The following SH3RF2 variants were observed in gnomAD, a reference collection of about 807,000 sequenced individuals.
SH3RF2 encodes SH3 domain containing ring finger 2.
Under a neutral mutation model 59.0 loss-of-function variants are expected in SH3RF2, and 43 were observed. The ratio of observed to expected loss-of-function variants is 0.73; its 90% confidence interval spans 0.57 to 0.94. The LOEUF (loss-of-function observed/expected upper bound fraction) is 0.94, where lower values mean the gene tolerates loss of function less well. Among genes scored for constraint, SH3RF2 ranks in the 40% least tolerant of loss-of-function variants. The pLI is 0.00. For synonymous variants in SH3RF2, 391 were observed against 391.5 expected (o/e 1.00, Z 0.01); for missense variants, 930 against 940.1 (o/e 0.99, Z 0.14).
chr5:146,028,163 AACACACACACACACACAC>A (rs10586561), intron 5 of SH3RF2, among the ~76,000 whole-genome samples: 38 of 142,426 alleles, frequency 2.7e-4, no homozygotes, highest in East Asian at 1.0e-3. Flanking sequence ...TGAGGCCTGC[AACACACACACACACACAC>A]ACACACACAC....
At chr5:145,976,009 A>G (rs555216985) in intron 2 of SH3RF2, among the ~76,000 whole-genome samples, 2 of 152,378 alleles carry the variant, frequency 1.3e-5, no homozygotes, top group Admixed American at 6.5e-5. Context: ...TACAGCTTGC[A>G]TAAGATAATG....
chr5:146,071,545 G>A (rs1249278850), intron 9 of SH3RF2, among the ~76,000 whole-genome samples: 5 of 152,146 alleles, frequency 3.3e-5, no homozygotes, highest in African/African-American at 4.8e-5. Context: ...GCAAGTTTTG[G>A]AGCTTAGGAC....
chr5:145,977,333 A>C (rs1340652114), intron 2 of SH3RF2, among the ~76,000 whole-genome samples: 2 of 152,220 alleles, frequency 1.3e-5, no homozygotes, highest in African/African-American at 4.8e-5. Context: ...AACACCAATC[A>C]TATACTATTG....
intron 7 of SH3RF2, 96 bp from the exon 8 acceptor site, chr5:146,055,885 A>G (rs1031215325): frequency 2.5e-5 from 33 of 1,328,954 alleles, no homozygotes; most frequent in Non-Finnish European, 3.4e-5. Context: ...CACATTTGGT[A>G]TGTGGTTGGG....
rs142647682 is a variant in SH3RF2, at chr5:146,004,654, T to C, written c.744+501T>C. 7.8e-3 allele frequency among the ~76,000 whole-genome samples: 1,191 copies of C among 152,072 alleles called. 13 individuals carry two copies. The highest frequency in any genetic ancestry group is 0.027 in the African/African-American group (1,137 of 41,488). Reference sequence around the variant, plus strand: ...TCTATGGATAATACTATATTATCCATATATGGAGAATAATATTTATGGAGA... The same window carrying C: ...TCTATGGATAATACTATATTATCCACATATGGAGAATAATATTTATGGAGA... On this transcript the variant is annotated intron_variant, in intron 4 of 9. Coordinates refer to ENST00000359120, the MANE Select transcript of SH3RF2 (RefSeq NM_152550.4).
intron 5 of SH3RF2, among the ~76,000 whole-genome samples, chr5:146,031,003 A>C (rs1313712252): frequency 6.6e-6 from 1 of 152,180 alleles, no homozygotes; most frequent in Non-Finnish European, 1.5e-5. Context: ...CCCTGGGCTA[A>C]AAGATTGGCC....
At chr5:145,955,409 G>A (rs1758354300) in intron 2 of SH3RF2, among the ~76,000 whole-genome samples, 1 of 152,172 alleles carries the variant, frequency 6.6e-6, no homozygotes, top group Non-Finnish European at 1.5e-5. Context: ...ACTAGGTGGG[G>A]AAGGAAAAGA....
intron 5 of SH3RF2, among the ~76,000 whole-genome samples, chr5:146,025,450 C>T (rs248777): frequency 0.31 from 46,684 of 152,144 alleles, 8,167 homozygotes; most frequent in Non-Finnish European, 0.39. Flanking sequence ...AGGTCTGGTT[C>T]CCACACTTGA....
intron 5 of SH3RF2, among the ~76,000 whole-genome samples, chr5:146,032,886 C>T (rs1204765385): frequency 6.6e-6 from 1 of 152,220 alleles, no homozygotes; most frequent in Non-Finnish European, 1.5e-5. Flanking sequence ...TCCCAGCCCT[C>T]ACCGACTCCT....
In SH3RF2 at chr5:146,060,189, G is replaced by A; in HGVS notation, c.1879G>A (p.Val627Met). ...CGCATCTGCCCCACCATCCATCCTGGTGAAACCAGAAAACTCAAGAAATGG... is the reference window on the plus strand; with the variant it reads ...CGCATCTGCCCCACCATCCATCCTGATGAAACCAGAAAACTCAAGAAATGG... Reference protein sequence around the residue: ...PPASAPPSILVKPENSRNGIE... With the variant: ...PPASAPPSILMKPENSRNGIE... The change falls in exon 9 of 10, where the codon GTG becomes ATG. Residue 627 changes from valine (V) to methionine (M), a missense_variant. Transcript: ENST00000359120. 6.2e-7 allele frequency: 1 copy of A among 1,611,498 alleles called. No individual in the cohort carries two copies. Among genetic ancestry groups the A allele is most frequent in the Non-Finnish European group, 8.5e-7 (1 of 1,178,882 alleles).
rs149937253 is a variant in SH3RF2, at chr5:145,941,059, G to C, written c.378+2753G>C. Among the ~76,000 whole-genome samples, 660 of 152,270 alleles carry C rather than the reference G, an allele frequency of 4.3e-3. 6 individuals are homozygous for C. The highest frequency in any genetic ancestry group is 0.015 in the African/African-American group (644 of 41,556). On this transcript the variant is annotated intron_variant, in intron 2 of 9. Coordinates refer to ENST00000359120, the MANE Select transcript of SH3RF2 (RefSeq NM_152550.4). Reference sequence around the variant, plus strand: ...TACTAAGTATAAAGTACTCCACTCAGAGAGCATAAATAACCTGTTGTCACA... The same window carrying C: ...TACTAAGTATAAAGTACTCCACTCACAGAGCATAAATAACCTGTTGTCACA...
chr5:146,016,226 T>C (rs570581743), intron 5 of SH3RF2, among the ~76,000 whole-genome samples: 1 of 152,332 alleles, frequency 6.6e-6, no homozygotes, highest in African/African-American at 2.4e-5. Context: ...ATCTGTTGAA[T>C]GCTTGCAATG....
At chr5:145,986,697 C>T (rs1223250152) in intron 2 of SH3RF2, among the ~76,000 whole-genome samples, 1 of 152,136 alleles carries the variant, frequency 6.6e-6, no homozygotes, top group Non-Finnish European at 1.5e-5. Context: ...TATTGAGAAC[C>T]AGCTTATGTT....
intron 2 of SH3RF2, among the ~76,000 whole-genome samples, chr5:145,966,987 C>G (rs953234192): frequency 6.6e-6 from 1 of 152,100 alleles, no homozygotes; most frequent in Non-Finnish European, 1.5e-5. Flanking sequence ...CACCACTGCA[C>G]TCCAACCTGG....
At chr5:146,074,395 C>T (rs1180624250) in intron 9 of SH3RF2, among the ~76,000 whole-genome samples, 2 of 152,078 alleles carry the variant, frequency 1.3e-5, no homozygotes, top group Non-Finnish European at 2.9e-5. Context: ...GGAGTTATTA[C>T]AAGCGGAGAG....
chr5:145,988,777 T>C (rs907606939), intron 2 of SH3RF2, among the ~76,000 whole-genome samples: 5 of 152,204 alleles, frequency 3.3e-5, no homozygotes, highest in African/African-American at 1.2e-4. Context: ...AAGTGGATCA[T>C]CTGGGATTTG....
chr5:146,003,955 T>A, intron 3 of SH3RF2, 103 bp from the exon 4 acceptor site: 1 of 863,556 alleles, frequency 1.2e-6, no homozygotes, highest in Non-Finnish European at 1.8e-6. Flanking sequence ...CAAGCTACAT[T>A]CCTAACACTT....
intron 5 of SH3RF2, among the ~76,000 whole-genome samples, chr5:146,018,196 C>T (rs992063125): frequency 4.2e-4 from 64 of 152,114 alleles, no homozygotes; most frequent in Non-Finnish European, 4.4e-4. Flanking sequence ...TACCCATCAC[C>T]GGAGTAGCCT....
intron 4 of SH3RF2, among the ~76,000 whole-genome samples, chr5:146,005,332 A>G (rs933325129): frequency 4.6e-5 from 7 of 152,238 alleles, no homozygotes; most frequent in African/African-American, 1.7e-4. Context: ...GGTGCTTAAC[A>G]TGCATAAAGC....
Sources: gnomAD v4.1 joint callset for allele counts (sites outside exome capture counted in the v4.1 genomes callset) on GRCh38, gnomAD v4.1.1 for gene constraint, MANE v1.5 for transcripts, NCBI Gene and HGNC (gene_info 2026-07-23, HGNC 2026-07-21) for gene names.